The following ERCC1 variants were observed in gnomAD, a reference collection of about 807,000 sequenced individuals.
ERCC1 encodes ERCC excision repair 1, endonuclease non-catalytic subunit.
ERCC1 carries 36 observed loss-of-function variants against 37.6 expected under a neutral mutation model. The observed-to-expected ratio is 0.96, with a 90% CI of 0.73 to 1.26. ERCC1 has a LOEUF of 1.26. Ranked by LOEUF, ERCC1 falls within the 50% of genes most tolerant of loss-of-function variation. The pLI, the probability that ERCC1 is intolerant of heterozygous loss-of-function variation, is 0.00. For missense variants in ERCC1, 349 were observed against 376.5 expected (o/e 0.93, Z 0.60); for synonymous variants, 156 against 162.1 (o/e 0.96, Z 0.28).
Position 45,408,551 on chromosome 19 carries a change from G to C in ERCC1, c.*1124C>G, listed in dbSNP as rs771705068. The C allele has an allele frequency of 6.2e-7, 1 of 1,613,990 alleles. No individual in the cohort carries two copies. Among genetic ancestry groups the C allele is most frequent in the Admixed American group, 1.7e-5 (1 of 60,016 alleles). On this transcript the variant is annotated 3_prime_UTR_variant, in exon 10 of 10. Transcript: ENST00000300853. ...CACTCAGGAGGCAGTGAATGGGCAC[G>C]GGGCCCTGGAGGTGGACATGGCTTT...
rs1359092427 is a variant in ERCC1, at chr19:45,413,945, A to G, written c.774+18T>C. 1 of 1,611,232 alleles carries G rather than the reference A, an allele frequency of 6.2e-7. No homozygotes were observed. The highest frequency in any genetic ancestry group is 1.1e-5 in the South Asian group (1 of 91,024). Reference sequence around the variant, plus strand: ...AAGGGGACAGAAATGCCTATGGGGCAGGGGAGCCATTCCTTACTCCAAATG... The same window carrying G: ...AAGGGGACAGAAATGCCTATGGGGCGGGGGAGCCATTCCTTACTCCAAATG... On this transcript the variant is annotated intron_variant, in intron 8 of 9. Coordinates refer to ENST00000300853, the MANE Select transcript of ERCC1 (RefSeq NM_001983.4).
rs3212955 is a variant in ERCC1 at position 45,420,238 on chromosome 19, T to C, written c.425+86A>G. Reference sequence around the variant, plus strand: ...CAGGACCATGCCCAGAGGCTTCTCATAGAACAGTCCAGAACACTGGGACAT... The same window carrying C: ...CAGGACCATGCCCAGAGGCTTCTCACAGAACAGTCCAGAACACTGGGACAT... On this transcript the variant is annotated intron_variant, in intron 4 of 9. Transcript: ENST00000300853. This position sits in a 1 kb window ranked among gnomAD's most constrained non-coding sequence, Gnocchi z 4.8. 225,119 of 896,490 alleles carry C rather than the reference T, an allele frequency of 0.25. 29,466 individuals are homozygous for C. Among genetic ancestry groups the C allele is most frequent in the Admixed American group, 0.39 (19,616 of 50,574 alleles). 55.5% of individuals were successfully genotyped at this position (896,490 alleles called of 1,614,324 possible). A position where few individuals can be genotyped will look rare whatever the true frequency, so the allele number is the denominator to read the frequency against.
chr19:45,423,712 A>G (rs1974586081), intron 1 of ERCC1, 69 bp downstream of exon 1: 5 of 1,195,174 alleles, frequency 4.2e-6, no homozygotes, highest in Admixed American at 3.9e-5. Flanking sequence ...GGCCTTGTCC[A>G]TCTCTCAGAC....
intron 1 of ERCC1, among the ~76,000 whole-genome samples, chr19:45,433,729 A>C (rs1365760012): frequency 6.6e-6 from 1 of 152,150 alleles, no homozygotes; most frequent in Non-Finnish European, 1.5e-5. Context: ...ACAATCATAC[A>C]AACCTGATTA....
chr19:45,431,837 G>C (rs1033797130), intron 1 of ERCC1, among the ~76,000 whole-genome samples: 1 of 152,112 alleles, frequency 6.6e-6, no homozygotes, highest in Non-Finnish European at 1.5e-5. Context: ...GCTGCAGTGA[G>C]TCTTAATTAT....
chr19:45,450,895 C>T (rs953330321), intron 1 of ERCC1, among the ~76,000 whole-genome samples: 1 of 88,636 alleles, frequency 1.1e-5, no homozygotes, highest in Non-Finnish European at 2.8e-5. Context: ...CCGCCCCCCC[C>T]CCCCCCCCCC....
At chr19:45,422,721 C>G (rs1423756359) in intron 2 of ERCC1, among the ~76,000 whole-genome samples, 1 of 152,130 alleles carries the variant, frequency 6.6e-6, no homozygotes, top group Non-Finnish European at 1.5e-5. Flanking sequence ...GGTGCCAGTG[C>G]ACTCCAGCCT....
intron 1 of ERCC1, among the ~76,000 whole-genome samples, chr19:45,437,738 G>T (rs561892701): frequency 6.6e-6 from 1 of 152,244 alleles, no homozygotes; most frequent in East Asian, 1.9e-4. Flanking sequence ...TTGATCAAAG[G>T]GTGCAAAGTT....
At chr19:45,430,400 A>T (rs1393226885) in intron 1 of ERCC1, among the ~76,000 whole-genome samples, 1 of 152,170 alleles carries the variant, frequency 6.6e-6, no homozygotes, top group Non-Finnish European at 1.5e-5. Flanking sequence ...GTTAGAGATG[A>T]AGACACCAGG....
rs778807962 is a variant in ERCC1, at chr19:45,420,475, T to A, written c.322-48A>T. 1 of 1,207,956 alleles carries A rather than the reference T, an allele frequency of 8.3e-7. No homozygotes were observed. The highest frequency in any genetic ancestry group is 1.2e-6 in the Non-Finnish European group (1 of 821,168). The allele number at this position is 1,207,956 out of a possible 1,614,324, so 74.8% of individuals were successfully genotyped here. A position where few individuals can be genotyped will look rare whatever the true frequency, so the allele number is the denominator to read the frequency against. Reference sequence around the variant, plus strand: ...AGCCATCAATAGGGATGACCCTTGATAACCACAGGGCCCTCCTCCACCTCT... The same window carrying A: ...AGCCATCAATAGGGATGACCCTTGAAAACCACAGGGCCCTCCTCCACCTCT... On this transcript the variant is annotated intron_variant, in intron 3 of 9. Transcript: ENST00000300853. This position sits in a 1 kb window ranked among gnomAD's most constrained non-coding sequence, Gnocchi z 4.8.
chr19:45,441,120 G>T (rs1975109200), intron 1 of ERCC1, among the ~76,000 whole-genome samples: 1 of 152,210 alleles, frequency 6.6e-6, no homozygotes, highest in African/African-American at 2.4e-5. Flanking sequence ...TCAGAACTCT[G>T]TTCCCTGGGC....
At chr19:45,442,816 CTGTT>C (rs1320375100) in intron 1 of ERCC1, among the ~76,000 whole-genome samples, 3 of 152,148 alleles carry the variant, frequency 2.0e-5, no homozygotes, top group African/African-American at 7.2e-5. Flanking sequence ...GTAGATAACT[CTGTT>C]TGGCAGGCTG....
At chr19:45,436,645 T>A (rs11882445) in intron 1 of ERCC1, 12,003 of 151,856 alleles carry the variant, frequency 0.079, 1,541 homozygotes, top group African/African-American at 0.27. Context: ...CAAACAAAAA[T>A]AGTTTTGTAG....
chr19:45,412,893 C>T (rs1303964917), intron 9 of ERCC1, among the ~76,000 whole-genome samples: 2 of 152,046 alleles, frequency 1.3e-5, no homozygotes, highest in African/African-American at 4.8e-5. Context: ...GCATGTGCCA[C>T]CATACCTGGC....
chr19:45,423,423 TA>T, intron 1 of ERCC1, 42 bp from the exon 2 acceptor site: 1 of 1,569,708 alleles, frequency 6.4e-7, no homozygotes, highest in Non-Finnish European at 8.6e-7. Flanking sequence ...CACTGGCGTC[TA>T]CGTTCTCATC....
At chr19:45,426,246 G>GTGCA (rs1369629413), upstream of ERCC1, among the ~76,000 whole-genome samples, 2 of 151,956 alleles carry the variant, frequency 1.3e-5, no homozygotes, top group Non-Finnish European at 2.9e-5. Flanking sequence ...GGGCGTGGTA[G>GTGCA]CGCACACCTG....
upstream of ERCC1, chr19:45,424,168 T>A: frequency 2.1e-6 from 1 of 477,082 alleles, no homozygotes; most frequent in Non-Finnish European, 2.8e-6. Context: ...AGGAGAGACT[T>A]AAGTTTGAAT....
At chr19:45,448,258 C>G (rs1398959407) in intron 1 of ERCC1, among the ~76,000 whole-genome samples, 1 of 152,164 alleles carries the variant, frequency 6.6e-6, no homozygotes, top group Non-Finnish European at 1.5e-5. Flanking sequence ...ACTGGGACCC[C>G]TGCCTGCTTG....
intron 1 of ERCC1, among the ~76,000 whole-genome samples, chr19:45,447,378 C>T (rs56370250): frequency 1.3e-5 from 2 of 149,050 alleles, no homozygotes; most frequent in Non-Finnish European, 3.0e-5. Flanking sequence ...CAGGTTCAAG[C>T]GATTCTCCTG....
Sources: allele counts gnomAD v4.1 joint callset (sites outside exome capture counted in the v4.1 genomes callset), GRCh38; gene constraint gnomAD v4.1.1; non-coding constraint Gnocchi (gnomAD v3.1); transcripts MANE v1.5; gene names NCBI Gene and HGNC (gene_info 2026-07-23, HGNC 2026-07-21).